Variants in MYOF observed in about 807,000 individuals in gnomAD.
The protein encoded by MYOF is fer-1-like 3, myoferlin.
MYOF carries 244 observed loss-of-function variants against 284.2 expected under a neutral mutation model. The ratio of observed to expected loss-of-function variants is 0.86; its 90% CI spans 0.77 to 0.95. The LOEUF is 0.95. Among genes scored for constraint, MYOF ranks in the 40% least tolerant of loss-of-function variants. MYOF has a pLI of 0.00. For missense variants in MYOF, 2,496 were observed against 2,560.6 expected (o/e 0.97, Z 0.54); for synonymous variants, 904 against 919.7 (o/e 0.98, Z 0.31).
chr10:93,312,394 G>T (rs1400406591), intron 51 of MYOF, among the ~76,000 whole-genome samples: 1 of 152,050 alleles, frequency 6.6e-6, no homozygotes, highest in South Asian at 2.1e-4. Flanking sequence ...CACCCAGGCT[G>T]GAGTACAGTG....
chr10:93,385,271 C>T (rs1352097143), intron 19 of MYOF, among the ~76,000 whole-genome samples: 1 of 152,206 alleles, frequency 6.6e-6, no homozygotes, highest in East Asian at 1.9e-4. Context: ...ACTTGATCTT[C>T]TGTCTGCCTG....
At chr10:93,474,152 T>G (rs1202242209) in intron 1 of MYOF, among the ~76,000 whole-genome samples, 1 of 152,192 alleles carries the variant, frequency 6.6e-6, no homozygotes. Context: ...TCCTTATTAG[T>G]GCCTTCCTTC....
At chr10:93,312,941 T>C in intron 51 of MYOF, 79 bp downstream of exon 51, 2 of 1,368,856 alleles carry the variant, frequency 1.5e-6, no homozygotes, top group South Asian at 1.6e-5. Context: ...TTATCTGGAG[T>C]AAGTCTATGG....
At chr10:93,434,885 A>G (rs1849048627) in intron 3 of MYOF, among the ~76,000 whole-genome samples, 1 of 152,190 alleles carries the variant, frequency 6.6e-6, no homozygotes, top group African/African-American at 2.4e-5. Context: ...TCCACCAGAC[A>G]AAACAGATGA....
rs142446970 is a variant in MYOF, at chr10:93,410,027, G to A, written c.434-288C>T. 2.6e-3 allele frequency among the ~76,000 whole-genome samples: 389 copies of A among 152,302 alleles called. 4 individuals carry two copies. Among genetic ancestry groups the A allele is most frequent in the South Asian group, 0.016 (75 of 4,826 alleles). On this transcript the variant is annotated intron_variant, in intron 5 of 53. Coordinates refer to ENST00000359263, the MANE Select transcript of MYOF (RefSeq NM_013451.4). ...ACAATGAGAGGAGATGGCACCGTTG[G>A]ACCCAGCCAGGGATTGCTGAGTTCT...
At chr10:93,466,838 G>C (rs1223350340) in intron 1 of MYOF, among the ~76,000 whole-genome samples, 2 of 152,076 alleles carry the variant, frequency 1.3e-5, no homozygotes, top group Non-Finnish European at 2.9e-5. Context: ...GCCTGGCATG[G>C]TGGCTTGCAC....
intron 2 of MYOF, among the ~76,000 whole-genome samples, chr10:93,453,173 AT>A (rs34382054): frequency 2.0e-5 from 3 of 150,752 alleles, no homozygotes; most frequent in African/African-American, 7.3e-5. Flanking sequence ...TACCCAGCTA[AT>A]TTTTTTTTTG....
Position 93,401,288 on chromosome 10 carries a change from T to C in MYOF, c.1117+130A>G, listed in dbSNP as rs1411527926. On this transcript the variant is annotated intron_variant, in intron 12 of 53. Transcript: ENST00000359263. Reference sequence around the variant, plus strand: ...TCAACTGGGCCAGAATGAATGAAAATAAGCCCATGAAGCCCTTTCAGAAGA... The same window carrying C: ...TCAACTGGGCCAGAATGAATGAAAACAAGCCCATGAAGCCCTTTCAGAAGA... 1.0e-5 allele frequency: 13 copies of C among 1,295,504 alleles called. No individual in the cohort carries two copies. The Admixed American group carries it at 3.2e-4, about 32-fold the overall frequency. The allele number at this position is 1,295,504 out of a possible 1,614,324, so 80.3% of individuals were successfully genotyped here.
intron 5 of MYOF, among the ~76,000 whole-genome samples, chr10:93,413,718 G>A (rs1847999411): frequency 6.6e-6 from 1 of 152,220 alleles, no homozygotes; most frequent in Non-Finnish European, 1.5e-5. Context: ...GCTAGGCGCA[G>A]GGGCTCACAC....
At chr10:93,438,270 T>C (rs1025036643) in intron 3 of MYOF, among the ~76,000 whole-genome samples, 1 of 152,108 alleles carries the variant, frequency 6.6e-6, no homozygotes, top group African/African-American at 2.4e-5. Flanking sequence ...CTCTCTTCCT[T>C]CCCACGAGTC....
At chr10:93,373,406 C>T (rs571424610) in intron 23 of MYOF, among the ~76,000 whole-genome samples, 2 of 152,280 alleles carry the variant, frequency 1.3e-5, no homozygotes, top group South Asian at 4.1e-4. Context: ...TTGAAGAAAG[C>T]CACCAGCAGC....
intron 15 of MYOF, among the ~76,000 whole-genome samples, chr10:93,396,856 T>C (rs1469108150): frequency 2.0e-5 from 3 of 152,206 alleles, no homozygotes; most frequent in East Asian, 3.9e-4. Flanking sequence ...CTTGCCTTCA[T>C]TGAGGTAGTT....
chr10:93,433,773 C>G (rs1848977841), intron 3 of MYOF, among the ~76,000 whole-genome samples: 1 of 152,146 alleles, frequency 6.6e-6, no homozygotes, highest in Non-Finnish European at 1.5e-5. Context: ...CAGAGGTGCT[C>G]CGGGTACGCC....
chr10:93,337,882 A>C lies in MYOF; in HGVS notation c.4370T>G (p.Phe1457Cys). Residue 1457 changes from phenylalanine to cysteine, a missense_variant, in exon 40 of 54, where the codon TTT becomes TGT. Physicochemically the swap from Phe to Cys is radical, Grantham distance 205. Around this residue, in one of 3 missense-constraint regions of MYOF, gnomAD observed 2,436 missense variants for 2,480.7 expected, o/e 0.98. Coordinates refer to ENST00000359263, the MANE Select transcript of MYOF (RefSeq NM_013451.4). ...EEEIVDWWSK[F>C]YASSGEHEKC... ...TTCATGTTCCCCTGAGGAAGCATAA[A>C]ATTTACTCCACCAGTCCACGATTTC... The C allele has an allele frequency of 6.2e-7, 1 of 1,614,112 alleles. No individual in the cohort carries two copies. The highest frequency in any genetic ancestry group is 8.5e-7 in the Non-Finnish European group (1 of 1,180,000).
intron 3 of MYOF, among the ~76,000 whole-genome samples, chr10:93,439,189 G>T (rs1299079304): frequency 6.8e-6 from 1 of 146,958 alleles, no homozygotes; most frequent in Non-Finnish European, 1.5e-5. Context: ...TGTTACCTTT[G>T]CAGGTAACAC....
At chr10:93,352,044 C>T (rs932545646) in intron 32 of MYOF, among the ~76,000 whole-genome samples, 198 bp from the exon 33 acceptor site, 1 of 152,114 alleles carries the variant, frequency 6.6e-6, no homozygotes, top group Non-Finnish European at 1.5e-5. Context: ...TGAAGCGAGA[C>T]CCTGATGTGT....
intron 7 of MYOF, among the ~76,000 whole-genome samples, chr10:93,405,912 C>T (rs1847542029): frequency 4.0e-5 from 6 of 151,328 alleles, no homozygotes; most frequent in Admixed American, 4.0e-4. Flanking sequence ...ATTCTCCTGC[C>T]TCAACCTCCC....
chr10:93,316,591 C>T, intron 50 of MYOF, 123 bp downstream of exon 50: 2 of 830,850 alleles, frequency 2.4e-6, no homozygotes, highest in Non-Finnish European at 3.9e-6. Flanking sequence ...ATCCCCTGTC[C>T]CCCCACCAGG....
chr10:93,408,412 C>T (rs1847723726), intron 7 of MYOF, among the ~76,000 whole-genome samples: 1 of 151,938 alleles, frequency 6.6e-6, no homozygotes, highest in African/African-American at 2.4e-5. Flanking sequence ...TGGTGCATGC[C>T]TGTAATCCCA....
Sources: allele counts gnomAD v4.1 joint callset (sites outside exome capture counted in the v4.1 genomes callset), GRCh38; gene constraint gnomAD v4.1.1; regional missense constraint gnomAD v4.1.1; transcripts MANE v1.5; gene names NCBI Gene and HGNC (gene_info 2026-07-23, HGNC 2026-07-21).